UNC5A: variants seen among roughly 807,000 people sequenced by gnomAD.
UNC5A encodes unc-5 netrin receptor A, also known as netrin receptor UNC5A.
Under a neutral mutation model 87.4 loss-of-function variants are expected in UNC5A, and 20 were observed. The observed-to-expected ratio is 0.23, with a 90% CI of 0.16 to 0.33. The LOEUF is 0.33. Among genes scored for constraint, UNC5A ranks in the 10% least tolerant of loss-of-function variants. The pLI is 1.00. For synonymous variants in UNC5A, 438 were observed against 482.3 expected (o/e 0.91, Z 1.20); for missense variants, 844 against 1,133.4 (o/e 0.74, Z 3.67).
rs142943907 is a variant in UNC5A at position 176,845,106 on chromosome 5, C to G, written c.71-17518C>G. Among the ~76,000 whole-genome samples the G allele has an allele frequency of 2.6e-5, 4 of 152,324 alleles. No individual in the cohort carries two copies. The East Asian group carries it at 7.7e-4, about 29-fold the overall frequency. On this transcript the variant is annotated intron_variant, in intron 1 of 14. Transcript: ENST00000329542. ...TCTTCTGCTCCCGCCCTGCCTCCCT[C>G]CCCGCCAGGAGAGTCACCCTCCATG...
rs1321083677 is a variant in UNC5A, at chr5:176,877,192, G to C, written c.1379G>C (p.Gly460Ala). The change falls in exon 9 of 15, where the codon GGA becomes GCA. Residue 460 changes from glycine to alanine, a missense_variant and splice_region_variant. Transcript: ENST00000329542. ...CCTGGCCCTCTTCCTGCCGTTCCAG[G>C]AATCAGCCTCCTCATCCCCCCAGAT... ...LGGRLMIPNTGISLLIPPDAI... is the reference protein window; with the variant it reads ...LGGRLMIPNTAISLLIPPDAI... The C allele has an allele frequency of 1.9e-6, 3 of 1,611,214 alleles. No individual in the cohort carries two copies. The highest frequency in any genetic ancestry group is 2.5e-6 in the Non-Finnish European group (3 of 1,178,338).
chr5:176,869,882 C>A lies in UNC5A; in HGVS notation c.722-488C>A. On this transcript the variant is annotated intron_variant, in intron 5 of 14. Transcript: ENST00000329542. The surrounding 1 kb of genome is among the most constrained non-coding windows in gnomAD (Gnocchi z 9.1). ...CCTGCCCCCCCATGGCTCCATCCCA[C>A]CCACCCGCCACGCAGGGCCAGGCTC... is the stretch of plus-strand genomic sequence containing the variant. 1 of 578,974 alleles carries A rather than the reference C, an allele frequency of 1.7e-6. No individual in the cohort carries two copies. Among genetic ancestry groups the A allele is most frequent in the South Asian group, 2.0e-5 (1 of 49,690 alleles). The allele number at this position is 578,974 out of a possible 1,614,324, so 35.9% of individuals were successfully genotyped here. A position where few individuals can be genotyped will look rare whatever the true frequency, so the allele number is the denominator to read the frequency against.
chr5:176,853,347 G>A (rs1757590511), intron 1 of UNC5A, among the ~76,000 whole-genome samples: 1 of 152,240 alleles, frequency 6.6e-6, no homozygotes, highest in African/African-American at 2.4e-5. Context: ...GCAGGAGCTG[G>A]CGGGCAAGGG....
At chr5:176,868,495 C>A in intron 3 of UNC5A, 66 bp from the exon 4 acceptor site, 1 of 1,523,828 alleles carries the variant, frequency 6.6e-7, no homozygotes, top group Non-Finnish European at 8.9e-7. Context: ...GGACAAGGGA[C>A]ACAGCCAGCC....
intron 6 of UNC5A, among the ~76,000 whole-genome samples, chr5:176,872,546 A>G (rs1289266930): frequency 1.0e-4 from 3 of 29,634 alleles, no homozygotes; most frequent in African/African-American, 2.3e-4. Flanking sequence ...ATCTGCCCAC[A>G]CTCGCCCAAC....
chr5:176,828,772 G>A (rs1053864591), intron 1 of UNC5A, among the ~76,000 whole-genome samples: 3 of 152,138 alleles, frequency 2.0e-5, no homozygotes, highest in Admixed American at 6.5e-5. Flanking sequence ...CTCGTTCATG[G>A]ATGGATGGAT....
chr5:176,835,165 T>C (rs1353144375), intron 1 of UNC5A, among the ~76,000 whole-genome samples: 2 of 152,270 alleles, frequency 1.3e-5, no homozygotes, highest in African/African-American at 4.8e-5. Context: ...CCCATCAGCC[T>C]GGGAATGGGG....
chr5:176,863,031 T>TC (rs1757881308), intron 2 of UNC5A, among the ~76,000 whole-genome samples, 186 bp downstream of exon 2: 1 of 152,168 alleles, frequency 6.6e-6, no homozygotes, highest in Non-Finnish European at 1.5e-5. Context: ...ACCAAGGAGC[T>TC]CCCAGACCTC....
chr5:176,862,896 G>A (rs182667194), intron 2 of UNC5A, 51 bp downstream of exon 2: 189 of 1,602,642 alleles, frequency 1.2e-4, no homozygotes, highest in Middle Eastern at 2.2e-4. Context: ...GGCGAGTTTC[G>A]GCCCCCCCAG....
intron 1 of UNC5A, among the ~76,000 whole-genome samples, chr5:176,860,942 G>A (rs745344204): frequency 8.5e-5 from 13 of 152,058 alleles, no homozygotes; most frequent in Non-Finnish European, 1.6e-4. Flanking sequence ...TGAGAGGAGG[G>A]GCAGGCGCCC....
chr5:176,832,291 G>T (rs1470438754), intron 1 of UNC5A, among the ~76,000 whole-genome samples: 1 of 152,166 alleles, frequency 6.6e-6, no homozygotes, highest in African/African-American at 2.4e-5. Flanking sequence ...CTGTGGAGAA[G>T]TCAGGTGTTT....
intron 9 of UNC5A, 122 bp from the exon 10 acceptor site, chr5:176,877,413 G>A (rs1239917055): frequency 5.9e-6 from 8 of 1,349,808 alleles, no homozygotes; most frequent in South Asian, 2.7e-5. Context: ...TAAGCCCCAC[G>A]TGGTCCTGCA....
At chr5:176,840,154 G>C (rs979832955) in intron 1 of UNC5A, among the ~76,000 whole-genome samples, 1 of 152,212 alleles carries the variant, frequency 6.6e-6, no homozygotes, top group Non-Finnish European at 1.5e-5. Context: ...ACCGCGCCTG[G>C]CCTCTTCATT....
intron 1 of UNC5A, among the ~76,000 whole-genome samples, chr5:176,814,600 G>A (rs1412392758): frequency 1.3e-5 from 2 of 152,170 alleles, no homozygotes; most frequent in Non-Finnish European, 2.9e-5. Context: ...CTGCAAAGGG[G>A]TCCTGGCATA....
intron 1 of UNC5A, among the ~76,000 whole-genome samples, chr5:176,861,969 C>T (rs138858948): frequency 2.1e-4 from 32 of 152,338 alleles, no homozygotes; most frequent in Non-Finnish European, 4.1e-4. Flanking sequence ...AAGCCAATTA[C>T]CTGTGTAATT....
chr5:176,812,409 T>A (rs973462622), intron 1 of UNC5A, among the ~76,000 whole-genome samples: 1 of 152,144 alleles, frequency 6.6e-6, no homozygotes. Context: ...AGGCTGTGGG[T>A]TGACATGTGT....
At position 176,843,258 on chromosome 5, in the gene UNC5A, C is replaced by T. The variant is rs549064716; in HGVS notation, c.71-19366C>T. 5.8e-4 allele frequency among the ~76,000 whole-genome samples: 89 copies of T among 152,142 alleles called. 1 individual carries two copies. In the Middle Eastern group the frequency reaches 0.017, roughly 29 times the overall value. On this transcript the variant is annotated intron_variant, in intron 1 of 14. Coordinates refer to ENST00000329542, the MANE Select transcript of UNC5A (RefSeq NM_133369.3). The stretch of plus-strand genomic sequence containing the variant: ...AGGTGAGGGGACAGATGCTGTGGTG[C>T]GTCCACACGGTGGGGCACTGCCCAG...
intron 1 of UNC5A, among the ~76,000 whole-genome samples, chr5:176,826,670 T>C (rs1756863272): frequency 6.9e-6 from 1 of 144,254 alleles, no homozygotes; most frequent in Non-Finnish European, 1.5e-5. Context: ...TGAGACAGTC[T>C]TGCTCTGTTG....
At chr5:176,861,107 G>A (rs189338289) in intron 1 of UNC5A, among the ~76,000 whole-genome samples, 7 of 152,358 alleles carry the variant, frequency 4.6e-5, no homozygotes, top group Non-Finnish European at 1.0e-4. Flanking sequence ...TGCCAGCTCT[G>A]TGCCTCAGTT....
Sources: gnomAD v4.1 joint callset for allele counts (sites outside exome capture counted in the v4.1 genomes callset) on GRCh38, gnomAD v4.1.1 for gene constraint, Gnocchi (gnomAD v3.1) non-coding constraint, MANE v1.5 for transcripts, NCBI Gene and HGNC (gene_info 2026-07-23, HGNC 2026-07-21) for gene names.